The following R3HDM2 variants were observed in gnomAD, a reference collection of about 807,000 sequenced individuals.
The protein encoded by R3HDM2 is R3H domain containing 2.
R3HDM2 carries 38 observed loss-of-function variants against 124.5 expected under a neutral mutation model. That is an observed-to-expected ratio of 0.31 (90% CI 0.24 to 0.40). R3HDM2 has a LOEUF of 0.40. Among genes scored for constraint, R3HDM2 ranks in the 10% least tolerant of loss-of-function variants. The pLI is 1.00. For synonymous variants in R3HDM2, 391 were observed against 448.0 expected (o/e 0.87, Z 1.61); for missense variants, 869 against 1,236.9 (o/e 0.70, Z 4.46).
chr12:57,335,492 C>CTTT (rs34808381), intron 2 of R3HDM2, among the ~76,000 whole-genome samples: 1 of 111,742 alleles, frequency 8.9e-6, no homozygotes, highest in Non-Finnish European at 1.8e-5. Context: ...GCCCGGCCAC[C>CTTT]TTTTTTTTTT....
chr12:57,297,727 G>A (rs1289057253), intron 7 of R3HDM2: 1 of 340,930 alleles, frequency 2.9e-6, no homozygotes, highest in African/African-American at 2.2e-5. Context: ...AATTTTAAAG[G>A]AATTATAATT....
intron 10 of R3HDM2, among the ~76,000 whole-genome samples, chr12:57,293,719 G>C (rs772419438): frequency 6.6e-6 from 1 of 152,200 alleles, no homozygotes; most frequent in Non-Finnish European, 1.5e-5. Context: ...CAGAGGCTTT[G>C]AAAGCTTCAC....
At chr12:57,298,255 A>C in intron 6 of R3HDM2, 87 bp from the exon 7 acceptor site, 1 of 1,026,924 alleles carries the variant, frequency 9.7e-7, no homozygotes, top group Non-Finnish European at 1.4e-6. Context: ...CAACCTAACC[A>C]GGAGAAAAAA....
chr12:57,312,819 C>G (rs1208326576), intron 2 of R3HDM2, among the ~76,000 whole-genome samples: 1 of 150,386 alleles, frequency 6.6e-6, no homozygotes, highest in Non-Finnish European at 1.5e-5. Context: ...CTCCCAGCTG[C>G]TTGGGAGACT....
intron 3 of R3HDM2, among the ~76,000 whole-genome samples, chr12:57,308,107 T>G (rs1351158690): frequency 6.8e-6 from 1 of 146,922 alleles, no homozygotes; most frequent in African/African-American, 2.5e-5. Context: ...CAGGCTGGAG[T>G]GCAGTGGGGT....
At chr12:57,380,155 G>A (rs1321539378) in intron 2 of R3HDM2, among the ~76,000 whole-genome samples, 2 of 152,150 alleles carry the variant, frequency 1.3e-5, no homozygotes, top group African/African-American at 2.4e-5. Flanking sequence ...TGTTTCTCTT[G>A]AGTCTTGAAT....
intron 2 of R3HDM2, among the ~76,000 whole-genome samples, chr12:57,353,900 G>A (rs946641720): frequency 2.0e-5 from 3 of 152,044 alleles, no homozygotes; most frequent in African/African-American, 7.2e-5. Context: ...CTGTCACCCA[G>A]GCTGGAGTGC....
chr12:57,267,585 G>A (rs2042754974), intron 18 of R3HDM2, among the ~76,000 whole-genome samples: 1 of 151,828 alleles, frequency 6.6e-6, no homozygotes, highest in African/African-American at 2.4e-5. Context: ...AACAAATATA[G>A]TCACATAAAG....
chr12:57,372,699 C>T (rs546216922), intron 2 of R3HDM2, among the ~76,000 whole-genome samples: 3 of 152,336 alleles, frequency 2.0e-5, no homozygotes, highest in South Asian at 4.1e-4. Flanking sequence ...CGATTTTCCA[C>T]ACCACCAAAT....
rs142102153 is a variant in R3HDM2 at position 57,258,253 on chromosome 12, G to A, written c.2302-116C>T. 8.4e-4 allele frequency: 833 copies of A among 993,364 alleles called. 4 individuals are homozygous for A. In the East Asian group the frequency reaches 0.018, roughly 21 times the overall value. 61.5% of individuals were successfully genotyped at this position (993,364 alleles called of 1,614,324 possible). On this transcript the variant is annotated intron_variant, in intron 20 of 23. Transcript: ENST00000402412. ...AAATAAGTTTCTCTTGCTGAACTCT[G>A]CCAAAGTCAGACTCTTCCTTCAAAC...
chr12:57,356,848 C>T (rs2061349506), intron 2 of R3HDM2, among the ~76,000 whole-genome samples: 1 of 152,216 alleles, frequency 6.6e-6, no homozygotes, highest in Non-Finnish European at 1.5e-5. Flanking sequence ...TGGTAGCTCA[C>T]GCCTGTAATC....
chr12:57,280,641 C>G, intron 13 of R3HDM2, 111 bp from the exon 14 acceptor site: 1 of 922,274 alleles, frequency 1.1e-6, no homozygotes, highest in South Asian at 2.0e-5. Flanking sequence ...CTCTTTATTC[C>G]CTTTTGTCCC....
intron 2 of R3HDM2, among the ~76,000 whole-genome samples, chr12:57,325,697 ACTATCCTTAG>A (rs1258330996): frequency 1.4e-5 from 2 of 145,654 alleles, no homozygotes; most frequent in Non-Finnish European, 3.0e-5. Flanking sequence ...GGCATGCACT[ACTATCCTTAG>A]CTAATTTTTT....
At chr12:57,306,353 T>C (rs867503300) in intron 3 of R3HDM2, among the ~76,000 whole-genome samples, 4 of 152,000 alleles carry the variant, frequency 2.6e-5, no homozygotes, top group Admixed American at 6.6e-5. Context: ...GGTACATTTA[T>C]CAAAAAGGAT....
chr12:57,255,016 C>G lies in R3HDM2; in HGVS notation c.2730G>C (p.Lys910Asn), dbSNP rs1188128428. 5 of 1,613,636 alleles carry G rather than the reference C, an allele frequency of 3.1e-6. No homozygotes were observed. The highest frequency in any genetic ancestry group is 4.2e-6 in the Non-Finnish European group (5 of 1,179,946). Residue 910 changes from lysine to asparagine, a missense_variant, in exon 24 of 24, where the codon AAG becomes AAC. Around this residue, in one of 2 missense-constraint regions of R3HDM2, gnomAD observed 602 missense variants for 789.2 expected, o/e 0.76. Transcript: ENST00000402412. ...CCTGAGCATCCTTGAGCCACTGGAT[C>G]TTGGCGCCAGACATGGCGAGCTGCG... ...LFTQLAMSGA[K>N]IQWLKDAQGL... is the part of the protein sequence containing the mutation.
intron 2 of R3HDM2, among the ~76,000 whole-genome samples, chr12:57,351,985 G>A (rs1021684389): frequency 6.6e-6 from 1 of 152,132 alleles, no homozygotes; most frequent in Non-Finnish European, 1.5e-5. Context: ...CAATGTGGCT[G>A]TCTAGTACCC....
chr12:57,423,228 G>A (rs991817670), intron 1 of R3HDM2, among the ~76,000 whole-genome samples: 2 of 151,560 alleles, frequency 1.3e-5, no homozygotes, highest in African/African-American at 4.8e-5. Context: ...TCAAGACCAG[G>A]CTGGCAAACA....
chr12:57,421,887 A>G (rs1358775442), intron 1 of R3HDM2, among the ~76,000 whole-genome samples: 1 of 152,118 alleles, frequency 6.6e-6, no homozygotes, highest in Non-Finnish European at 1.5e-5. Context: ...ACCTAAGATC[A>G]GGAGTTCACG....
intron 2 of R3HDM2, among the ~76,000 whole-genome samples, chr12:57,373,408 G>A (rs945307036): frequency 2.5e-4 from 38 of 152,204 alleles, no homozygotes; most frequent in Admixed American, 2.0e-4. Context: ...GCTGAGGCAG[G>A]AGAATGGCAT....
Sources: allele counts gnomAD v4.1 joint callset (sites outside exome capture counted in the v4.1 genomes callset), GRCh38; gene constraint gnomAD v4.1.1; regional missense constraint gnomAD v4.1.1; transcripts MANE v1.5; gene names NCBI Gene and HGNC (gene_info 2026-07-23, HGNC 2026-07-21).